Variants in UNC13C observed in about 807,000 individuals in gnomAD.
UNC13C encodes protein unc-13 homolog C.
In UNC13C, 174 loss-of-function variants were observed where a neutral mutation model predicts 245.4. The observed-to-expected ratio is 0.71, with a 90% CI of 0.63 to 0.80. UNC13C has a LOEUF of 0.80. Among genes scored for constraint, UNC13C ranks in the 30% least tolerant of loss-of-function variants. The pLI is 0.00. For synonymous variants in UNC13C, 992 were observed against 895.1 expected (o/e 1.11, Z -1.93); for missense variants, 2,829 against 2,602.9 (o/e 1.09, Z -1.89).
intron 2 of UNC13C, among the ~76,000 whole-genome samples, chr15:54,109,814 G>T (rs547825019): frequency 2.6e-4 from 39 of 151,996 alleles, no homozygotes; most frequent in Non-Finnish European, 5.1e-4. Flanking sequence ...ATTATAGGTG[G>T]ATATCTCCCT....
intron 19 of UNC13C, among the ~76,000 whole-genome samples, chr15:54,444,619 C>T (rs1050858621): frequency 2.0e-5 from 3 of 151,148 alleles, no homozygotes; most frequent in Admixed American, 6.6e-5. Flanking sequence ...TTTTTCTCTC[C>T]TATTATTTAT....
At chr15:54,074,014 G>C (rs992436239) in intron 2 of UNC13C, among the ~76,000 whole-genome samples, 11 of 152,004 alleles carry the variant, frequency 7.2e-5, no homozygotes, top group Non-Finnish European at 1.6e-4. Context: ...GGCTTTAGTT[G>C]TTACATTTAA....
chr15:53,910,331 G>A, the UNC13C span, among the ~76,000 whole-genome samples: 1 of 145,816 alleles, frequency 6.9e-6, no homozygotes, highest in African/African-American at 2.4e-5. Flanking sequence ...TCAAGGAATA[G>A]GCCTGGGCAG....
chr15:54,446,870 G>C (rs373403675), intron 19 of UNC13C, among the ~76,000 whole-genome samples: 39 of 152,278 alleles, frequency 2.6e-4, no homozygotes, highest in East Asian at 1.4e-3. Flanking sequence ...TCTTGTGCCA[G>C]TTTTCAAAGG....
At chr15:54,458,323 A>C (rs1329146482) in intron 19 of UNC13C, among the ~76,000 whole-genome samples, 1 of 151,996 alleles carries the variant, frequency 6.6e-6, no homozygotes, top group Non-Finnish European at 1.5e-5. Context: ...CGTCTTGGGG[A>C]ATTTCCCATG....
At chr15:53,906,882 T>A in the UNC13C span, among the ~76,000 whole-genome samples, 1 of 151,854 alleles carries the variant, frequency 6.6e-6, no homozygotes, top group African/African-American at 2.4e-5. Flanking sequence ...GAGAGAAGAG[T>A]GAAGGAAGAA....
chr15:54,083,722 T>A (rs1023543540), intron 2 of UNC13C, among the ~76,000 whole-genome samples: 1 of 152,062 alleles, frequency 6.6e-6, no homozygotes, highest in Non-Finnish European at 1.5e-5. Context: ...ACACCAAGGG[T>A]TAGATCTCTA....
chr15:54,079,450 G>A (rs886448075), intron 2 of UNC13C, among the ~76,000 whole-genome samples: 4 of 151,924 alleles, frequency 2.6e-5, no homozygotes, highest in African/African-American at 7.2e-5. Context: ...ATAAGCATGG[G>A]ATGTTTTTGC....
chr15:53,996,243 G>T (rs1280436937), intron 1 of UNC13C, among the ~76,000 whole-genome samples: 6 of 152,096 alleles, frequency 3.9e-5, no homozygotes, highest in African/African-American at 1.2e-4. Context: ...TTGTAATTTT[G>T]TTCCAATTGT....
the UNC13C span, among the ~76,000 whole-genome samples, chr15:53,962,740 T>C: frequency 6.6e-6 from 1 of 152,076 alleles, no homozygotes; most frequent in African/African-American, 2.4e-5. Context: ...CTGGAGCAAA[T>C]GCCATGGTTT....
At chr15:54,008,249 T>A (rs553819152) in intron 1 of UNC13C, among the ~76,000 whole-genome samples, 38 of 152,346 alleles carry the variant, frequency 2.5e-4, no homozygotes, top group Non-Finnish European at 5.1e-4. Context: ...TGTTCAAATC[T>A]GGGGTTCGGA....
intron 17 of UNC13C, among the ~76,000 whole-genome samples, chr15:54,364,600 G>A (rs2039318228): frequency 6.6e-6 from 1 of 152,194 alleles, no homozygotes; most frequent in Admixed American, 6.5e-5. Context: ...TAGTGAAGTA[G>A]AGTAAGACTT....
chr15:54,263,483 G>T (rs2140888472), intron 8 of UNC13C, among the ~76,000 whole-genome samples: 1 of 152,180 alleles, frequency 6.6e-6, no homozygotes, highest in African/African-American at 2.4e-5. Context: ...AAACAAAAAT[G>T]CCCAGAAAGT....
chr15:54,127,368 T>C (rs1453246777), intron 2 of UNC13C, among the ~76,000 whole-genome samples: 1 of 152,088 alleles, frequency 6.6e-6, no homozygotes, highest in African/African-American at 2.4e-5. Flanking sequence ...TGGAATACTA[T>C]GTAGCCATAA....
At chr15:54,129,899 A>G (rs1226901818) in intron 2 of UNC13C, among the ~76,000 whole-genome samples, 3 of 121,308 alleles carry the variant, frequency 2.5e-5, no homozygotes, top group African/African-American at 8.8e-5. Flanking sequence ...TTTTTTTTGT[A>G]CTTTGAGTTT....
chr15:54,091,446 C>A (rs11071037), intron 2 of UNC13C, among the ~76,000 whole-genome samples: 83,590 of 151,982 alleles, frequency 0.55, 23,441 homozygotes, highest in Non-Finnish European at 0.61. Flanking sequence ...CTTTAAATTC[C>A]TGTGTTGATT....
chr15:54,317,821 T>C (rs1377451634), intron 13 of UNC13C, among the ~76,000 whole-genome samples: 1 of 151,926 alleles, frequency 6.6e-6, no homozygotes, highest in Non-Finnish European at 1.5e-5. Flanking sequence ...TTCTGTAAAA[T>C]AGATCTTTAG....
chr15:53,903,915 T>C, the UNC13C span, among the ~76,000 whole-genome samples: 1 of 152,160 alleles, frequency 6.6e-6, no homozygotes, highest in Admixed American at 6.6e-5. Context: ...TAGAGAGCAA[T>C]TAGTATTTAG....
intron 10 of UNC13C, among the ~76,000 whole-genome samples, chr15:54,266,483 A>G (rs1014962178): frequency 2.6e-5 from 4 of 152,000 alleles, no homozygotes; most frequent in African/African-American, 9.7e-5. Context: ...ATATAGCAGG[A>G]AAGGAACAAC....
Sources: allele counts gnomAD v4.1 joint callset (sites outside exome capture counted in the v4.1 genomes callset), GRCh38; gene constraint gnomAD v4.1.1; transcripts MANE v1.5; gene names NCBI Gene and HGNC (gene_info 2026-07-23, HGNC 2026-07-21).